IGSF11: variants seen among roughly 807,000 people sequenced by gnomAD.
IGSF11 encodes immunoglobulin superfamily member 11.
A neutral mutation model predicts 41.0 loss-of-function variants in IGSF11; 22 were observed. The observed-to-expected ratio is 0.54, with a 90% CI of 0.38 to 0.77. The LOEUF is 0.77. Among genes scored for constraint, IGSF11 ranks in the 30% least tolerant of loss-of-function variants. The probability of loss-of-function intolerance (pLI) is 0.00; values close to 1 mark genes in which losing one functional copy is unlikely to be tolerated. For synonymous variants in IGSF11, 219 were observed against 201.3 expected, an observed-to-expected ratio of 1.09 and a Z score of -0.74; for missense variants, 444 against 530.8, an observed-to-expected ratio of 0.84 and a Z score of 1.61.
intron 1 of IGSF11, among the ~76,000 whole-genome samples, chr3:118,949,628 A>C (rs1335530609): frequency 6.6e-6 from 1 of 152,224 alleles, no homozygotes; most frequent in Non-Finnish European, 1.5e-5. Context: ...TTTTGCATGT[A>C]TTATTCTCAA....
At chr3:119,026,037 G>A (rs760311604) in intron 1 of IGSF11, among the ~76,000 whole-genome samples, 35 of 152,128 alleles carry the variant, frequency 2.3e-4, no homozygotes, top group Non-Finnish European at 4.6e-4. Flanking sequence ...TTGGGAGGCC[G>A]AGGTGGGCGG....
intron 1 of IGSF11, among the ~76,000 whole-genome samples, chr3:118,976,636 AG>A (rs1196613584): frequency 6.6e-6 from 1 of 152,232 alleles, no homozygotes; most frequent in African/African-American, 2.4e-5. Context: ...TCTAGTCTGA[AG>A]ATAGTGAACA....
At chr3:118,975,252 T>C (rs925381940) in intron 1 of IGSF11, among the ~76,000 whole-genome samples, 1 of 152,178 alleles carries the variant, frequency 6.6e-6, no homozygotes, top group Non-Finnish European at 1.5e-5. Context: ...TTTTAAAATG[T>C]TATCCCACCA....
At chr3:119,144,098 C>T (rs958550090) in intron 1 of IGSF11, among the ~76,000 whole-genome samples, 2 of 151,414 alleles carry the variant, frequency 1.3e-5, no homozygotes, top group African/African-American at 4.8e-5. Context: ...GTGGCCCAGG[C>T]TGCAGTGCAG....
At chr3:118,957,693 T>G (rs550638585) in intron 1 of IGSF11, among the ~76,000 whole-genome samples, 1 of 152,344 alleles carries the variant, frequency 6.6e-6, no homozygotes, top group Non-Finnish European at 1.5e-5. Flanking sequence ...TTCAATGCAA[T>G]TACTAGTCTC....
At chr3:119,034,274 G>A (rs1940703000) in intron 1 of IGSF11, among the ~76,000 whole-genome samples, 1 of 152,220 alleles carries the variant, frequency 6.6e-6, no homozygotes, top group Admixed American at 6.5e-5. Flanking sequence ...GAGAGTCAGG[G>A]CCCGGCCTGG....
chr3:119,028,938 A>G (rs138488861), intron 1 of IGSF11, among the ~76,000 whole-genome samples: 3 of 152,162 alleles, frequency 2.0e-5, no homozygotes, highest in African/African-American at 7.2e-5. Context: ...GTTTTTGGGG[A>G]TGGTAACGTC....
intron 1 of IGSF11, among the ~76,000 whole-genome samples, chr3:118,973,534 C>CA (rs1411552713): frequency 6.6e-6 from 1 of 152,170 alleles, no homozygotes; most frequent in Non-Finnish European, 1.5e-5. Flanking sequence ...ACTTGAAATA[C>CA]AAAGTGGGGT....
At position 118,902,722 on chromosome 3, in the gene IGSF11, A is replaced by G. The variant is rs753921823; in HGVS notation, c.1094T>C (p.Val365Ala). 5 of 1,613,984 alleles carry G rather than the reference A, an allele frequency of 3.1e-6. No individual in the cohort carries two copies. The highest frequency in any genetic ancestry group is 3.3e-5 in the Admixed American group (2 of 59,986). Residue 365 changes from valine (V) to alanine (A), a missense_variant, in exon 7 of 7, where the codon GTC becomes GCC. Val to Ala is a moderately conservative substitution (Grantham distance 64). Around this residue, in one of 3 missense-constraint regions of IGSF11, gnomAD observed 223 missense variants for 226.2 expected, o/e 0.99. Transcript: ENST00000393775. Reference sequence around the variant, plus strand: ...TACCAGAGTCTTATGTTGACCCGGGACCAGATGGGTCCCATTAGCATAAAT... The same window carrying G: ...TACCAGAGTCTTATGTTGACCCGGGGCCAGATGGGTCCCATTAGCATAAAT... The part of the protein sequence containing the change: ...PSIYANGTHL[V>A]PGQHKTLVVT...
intron 1 of IGSF11, among the ~76,000 whole-genome samples, chr3:119,124,336 G>A (rs1264974513): frequency 7.2e-6 from 1 of 139,764 alleles, no homozygotes; most frequent in African/African-American, 2.7e-5. Flanking sequence ...ACGTGATCTC[G>A]GCTCACTGCA....
chr3:119,023,064 C>A (rs9821567), intron 1 of IGSF11, among the ~76,000 whole-genome samples: 31,994 of 151,754 alleles, frequency 0.21, 3,911 homozygotes, highest in African/African-American at 0.34. Flanking sequence ...GAGTATGAGA[C>A]CAGCCTGGCC....
intron 1 of IGSF11, among the ~76,000 whole-genome samples, chr3:119,129,886 G>T (rs1157100199): frequency 2.6e-5 from 4 of 152,120 alleles, no homozygotes; most frequent in Admixed American, 1.3e-4. Context: ...TCAGGGAGCT[G>T]AGGTGAGAGG....
chr3:118,965,759 A>C (rs985378795), intron 1 of IGSF11, among the ~76,000 whole-genome samples: 3 of 152,158 alleles, frequency 2.0e-5, no homozygotes, highest in African/African-American at 7.2e-5. Flanking sequence ...TCTTCTTTCT[A>C]CCTGTCTACC....
intron 1 of IGSF11, among the ~76,000 whole-genome samples, chr3:118,949,915 T>G (rs898579487): frequency 2.0e-5 from 3 of 152,100 alleles, no homozygotes; most frequent in Admixed American, 6.5e-5. Context: ...AATGGGAGGG[T>G]AATGTTTGAA....
chr3:118,959,083 G>A (rs922492001), intron 1 of IGSF11, among the ~76,000 whole-genome samples: 4 of 152,220 alleles, frequency 2.6e-5, no homozygotes, highest in African/African-American at 7.2e-5. Context: ...AATAATGTTG[G>A]ATACATCATA....
upstream of IGSF11, among the ~76,000 whole-genome samples, chr3:119,109,278 G>A (rs1283706681): frequency 2.7e-5 from 4 of 150,748 alleles, no homozygotes; most frequent in Non-Finnish European, 5.9e-5. Flanking sequence ...CCTGTTATTG[G>A]TCTATTCAGA....
rs148078669 is a variant in IGSF11 at position 119,101,309 on chromosome 3, A to G, written c.49+3835T>C. 1.7e-4 allele frequency among the ~76,000 whole-genome samples: 26 copies of G among 152,296 alleles called. No homozygotes were observed. In the East Asian group the frequency reaches 4.8e-3, roughly 28 times the overall value. ...CAGATTACCTGAGGTCGGGAGTTCA[A>G]GGCCAGCCTGACCAACATGGAGAAA... On this transcript the variant is annotated intron_variant, in intron 1 of 6. Transcript: ENST00000354673.
At chr3:118,955,219 TACACACACACACACACACACAC>T (rs34044399) in intron 1 of IGSF11, among the ~76,000 whole-genome samples, 1 of 144,400 alleles carries the variant, frequency 6.9e-6, no homozygotes, top group Non-Finnish European at 1.5e-5. Flanking sequence ...TATATGTACA[TACACACACACACACACACACAC>T]ACACACACAC....
chr3:119,004,607 T>C (rs1304956919), intron 1 of IGSF11, among the ~76,000 whole-genome samples: 2 of 145,618 alleles, frequency 1.4e-5, no homozygotes, highest in East Asian at 4.0e-4. Context: ...TTTAGTGCTA[T>C]AAATTTCCCT....
Sources: allele counts gnomAD v4.1 joint callset (sites outside exome capture counted in the v4.1 genomes callset), GRCh38; gene constraint gnomAD v4.1.1; regional missense constraint gnomAD v4.1.1; transcripts MANE v1.5; gene names NCBI Gene and HGNC (gene_info 2026-07-23, HGNC 2026-07-21).